The following UBR2 variants were observed in gnomAD, a reference collection of about 807,000 sequenced individuals.
UBR2 encodes ubiquitin protein ligase E3 component n-recognin 2, also known as E3 ubiquitin-protein ligase UBR2.
In UBR2, 92 loss-of-function variants were observed where a neutral mutation model predicts 247.9. The ratio of observed to expected loss-of-function variants is 0.37; its 90% confidence interval spans 0.31 to 0.44. The LOEUF (loss-of-function observed/expected upper bound fraction) is 0.44, where lower values mean the gene tolerates loss of function less well. Ranked by LOEUF, UBR2 falls within the 20% of genes least tolerant of loss-of-function variation. UBR2 has a pLI of 1.00. For missense variants in UBR2, 1,613 were observed against 2,112.6 expected (o/e 0.76, Z 4.64); for synonymous variants, 672 against 693.5 (o/e 0.97, Z 0.49).
chr6:42,577,416 C>T (rs952389850), intron 2 of UBR2, among the ~76,000 whole-genome samples: 8 of 152,030 alleles, frequency 5.3e-5, no homozygotes, highest in African/African-American at 1.9e-4. Flanking sequence ...CTGAAGTCTC[C>T]ATGATGTCAG....
Position 42,565,644 on chromosome 6 carries a change from T to C in UBR2, c.78+1247T>C, listed in dbSNP as rs141159677. On this transcript the variant is annotated intron_variant, in intron 1 of 46. Transcript: ENST00000372901. ...GGCGCGATCTCAGCTCACCGCAACC[T>C]CAGTCTCCCGGGTTCAAGCGATTCT... is the stretch of plus-strand genomic sequence containing the variant. 1.6e-4 allele frequency among the ~76,000 whole-genome samples: 25 copies of C among 152,270 alleles called. No homozygotes were observed. In the East Asian group the frequency reaches 4.6e-3, roughly 28 times the overall value.
At chr6:42,671,917 AT>A (rs1798464907) in intron 36 of UBR2, among the ~76,000 whole-genome samples, 1 of 152,064 alleles carries the variant, frequency 6.6e-6, no homozygotes, top group Non-Finnish European at 1.5e-5. Flanking sequence ...ATCTCTGCCT[AT>A]TTTTTTAACC....
At chr6:42,596,711 G>A (rs1448310376) in intron 4 of UBR2, among the ~76,000 whole-genome samples, 1 of 152,184 alleles carries the variant, frequency 6.6e-6, no homozygotes, top group Admixed American at 6.5e-5. Context: ...AACATATTAA[G>A]TGAAAGACGC....
rs1474831379 is a variant in UBR2 at position 42,670,244 on chromosome 6, A to C, written c.4030+4A>C. 1.2e-6 allele frequency: 2 copies of C among 1,612,622 alleles called. No individual in the cohort carries two copies. The highest frequency in any genetic ancestry group is 2.7e-5 in the African/African-American group (2 of 75,034). The stretch of plus-strand genomic sequence containing the variant: ...GCGTACACCATCCAAAGCATAGGTA[A>C]GAGATTTACAGCTGTTTCTCTATAA... On this transcript the variant is annotated splice_donor_region_variant and intron_variant, in intron 35 of 46. Transcript: ENST00000372901.
At chr6:42,642,306 C>A in intron 17 of UBR2, 110 bp from the exon 18 acceptor site, 1 of 703,998 alleles carries the variant, frequency 1.4e-6, no homozygotes, top group Non-Finnish European at 2.4e-6. Context: ...AGAGAAACCA[C>A]ATCACACACA....
At chr6:42,688,440 T>G (rs1242205723) in intron 45 of UBR2, 54 bp downstream of exon 45, 3 of 1,590,926 alleles carry the variant, frequency 1.9e-6, no homozygotes, top group African/African-American at 2.7e-5. Flanking sequence ...ATCTGACTGT[T>G]AGGGTGTCAC....
At chr6:42,676,684 A>G in intron 39 of UBR2, 99 bp from the exon 40 acceptor site, 2 of 921,324 alleles carry the variant, frequency 2.2e-6, no homozygotes, top group Non-Finnish European at 3.5e-6. Flanking sequence ...TTCATGTTAT[A>G]TGTGAGTTTA....
Position 42,673,863 on chromosome 6 carries a change from G to A in UBR2, c.4159G>A (p.Gly1387Arg). ...AGTGGCATCAGTTTCAGTGGTGCAA[G>A]GACATTTTTGTAAACTTTTTGCATG... ...WTVASVSVVQ[G>R]HFCKLFASLV... The change falls in exon 37 of 47, where the codon GGA becomes AGA. Residue 1387 changes from glycine (G) to arginine (R), a missense_variant. Gly to Arg is a moderately radical substitution (Grantham distance 125). This residue lies in a region of UBR2 where 1,524 missense variants were observed against 1,967.3 expected (regional missense o/e 0.77). Transcript: ENST00000372901. 6.2e-7 allele frequency: 1 copy of A among 1,613,512 alleles called. No homozygotes were observed. The highest frequency in any genetic ancestry group is 8.5e-7 in the Non-Finnish European group (1 of 1,179,700).
intron 4 of UBR2, among the ~76,000 whole-genome samples, chr6:42,598,637 T>G (rs1159074868): frequency 6.6e-6 from 1 of 152,186 alleles, no homozygotes; most frequent in Admixed American, 6.5e-5. Context: ...ACATAATATG[T>G]GGTATCTCCT....
chr6:42,641,544 T>G (rs1796449268), intron 16 of UBR2, 38 bp from the exon 17 acceptor site: 1 of 1,513,488 alleles, frequency 6.6e-7, no homozygotes, highest in African/African-American at 1.4e-5. Context: ...TGTGTGTGTT[T>G]TTTTTGTTTT....
At chr6:42,628,065 G>C (rs1375469702) in intron 11 of UBR2, among the ~76,000 whole-genome samples, 1 of 152,104 alleles carries the variant, frequency 6.6e-6, no homozygotes, top group Admixed American at 6.5e-5. Context: ...GACAAATGCT[G>C]AGGGAAAAGC....
Position 42,639,947 on chromosome 6 carries a change from G to A in UBR2, c.1859-262G>A, listed in dbSNP as rs577683039. ...GGAGGCTGAGGCAGGAGAATGGCGT[G>A]AACCCGGGAGGCGGAGCTTGCAGTG... On this transcript the variant is annotated intron_variant, in intron 15 of 46. Coordinates refer to ENST00000372901, the MANE Select transcript of UBR2 (RefSeq NM_001363705.2). 1.0e-3 allele frequency among the ~76,000 whole-genome samples: 158 copies of A among 152,294 alleles called. 1 individual carries two copies. Among genetic ancestry groups the A allele is most frequent in the Non-Finnish European group, 1.6e-3 (110 of 68,024 alleles).
At position 42,641,577 on chromosome 6, in the gene UBR2, T is replaced by C; in HGVS notation, c.1921-5T>C. ...TTTCTGTTTTTTTATTTTTTGTATA[T>C]ATAGAGTGAACTTAGCCCACCCATG... On this transcript the variant is annotated splice_polypyrimidine_tract_variant and splice_region_variant and intron_variant, in intron 16 of 46. Coordinates refer to ENST00000372901, the MANE Select transcript of UBR2 (RefSeq NM_001363705.2). 6 of 1,586,992 alleles carry C rather than the reference T, an allele frequency of 3.8e-6. No homozygotes were observed. The highest frequency in any genetic ancestry group is 5.1e-6 in the Non-Finnish European group (6 of 1,170,796).
At chr6:42,679,198 T>G (rs1387414327) in intron 41 of UBR2, among the ~76,000 whole-genome samples, 1 of 152,246 alleles carries the variant, frequency 6.6e-6, no homozygotes, top group Non-Finnish European at 1.5e-5. Flanking sequence ...CCACAGTGCC[T>G]GGCACTGGCC....
chr6:42,633,163 TTTGTTGTTG>T (rs78126394), intron 13 of UBR2, among the ~76,000 whole-genome samples: 25 of 149,626 alleles, frequency 1.7e-4, no homozygotes, highest in African/African-American at 5.2e-4. Context: ...GCCCAGCTTC[TTTGTTGTTG>T]TTGTTGTTGT....
chr6:42,675,111 C>T (rs1425129459), intron 38 of UBR2, among the ~76,000 whole-genome samples: 1 of 152,170 alleles, frequency 6.6e-6, no homozygotes, highest in Non-Finnish European at 1.5e-5. Context: ...TATGTCAGAA[C>T]TCAGTGAGTT....
intron 11 of UBR2, among the ~76,000 whole-genome samples, chr6:42,632,069 A>AAAAAAAATATATAT (rs56721828): frequency 8.8e-6 from 1 of 114,088 alleles, no homozygotes; most frequent in African/African-American, 3.4e-5. Context: ...AAAAAAAAAA[A>AAAAAAAATATATAT]ATATATATAT....
At chr6:42,651,127 T>C (rs1475410044) in intron 23 of UBR2, among the ~76,000 whole-genome samples, 1 of 151,386 alleles carries the variant, frequency 6.6e-6, no homozygotes, top group African/African-American at 2.4e-5. Context: ...GAGGCTGAGA[T>C]AGGAGGATCA....
intron 36 of UBR2, among the ~76,000 whole-genome samples, chr6:42,672,673 C>CTAGA (rs1034855840): frequency 2.0e-5 from 3 of 152,128 alleles, no homozygotes; most frequent in African/African-American, 7.2e-5. Flanking sequence ...TTTCCTCTGC[C>CTAGA]TAGAGTACCC....
Sources: gnomAD v4.1 joint callset for allele counts (sites outside exome capture counted in the v4.1 genomes callset) on GRCh38, gnomAD v4.1.1 for gene constraint, gnomAD v4.1.1 regional missense constraint, MANE v1.5 for transcripts, NCBI Gene and HGNC (gene_info 2026-07-23, HGNC 2026-07-21) for gene names.